NKAIN2: variants seen among roughly 807,000 people sequenced by gnomAD.
NKAIN2 encodes the protein sodium/potassium-transporting ATPase subunit beta-1-interacting protein 2.
NKAIN2 carries 14 observed loss-of-function variants against 32.6 expected under a neutral mutation model. The observed-to-expected ratio is 0.43, with a 90% CI of 0.28 to 0.67. The LOEUF is 0.67. Ranked by LOEUF, NKAIN2 falls within the 30% of genes least tolerant of loss-of-function variation. The pLI is 0.17. For synonymous variants in NKAIN2, 80 were observed against 87.2 expected, an observed-to-expected ratio of 0.92 and a Z score of 0.46; for missense variants, 198 against 258.3, an observed-to-expected ratio of 0.77 and a Z score of 1.60.
chr6:124,093,127 G>A (rs1466324898), intron 1 of NKAIN2, among the ~76,000 whole-genome samples: 2 of 151,992 alleles, frequency 1.3e-5, no homozygotes, highest in Admixed American at 1.3e-4. Context: ...TAAAACTATG[G>A]AACCCCCTCC....
intron 1 of NKAIN2, among the ~76,000 whole-genome samples, chr6:123,988,274 C>G (rs1779239208): frequency 6.6e-6 from 1 of 152,084 alleles, no homozygotes; most frequent in South Asian, 2.1e-4. Context: ...TAAATTTTCT[C>G]ATACAATTTA....
At chr6:124,268,546 T>C (rs1370390535) in intron 1 of NKAIN2, among the ~76,000 whole-genome samples, 1 of 152,120 alleles carries the variant, frequency 6.6e-6, no homozygotes, top group African/African-American at 2.4e-5. Flanking sequence ...AAAACTCTAT[T>C]ACTTACATAT....
At chr6:124,728,927 C>T (rs1436083612) in intron 4 of NKAIN2, among the ~76,000 whole-genome samples, 3 of 150,424 alleles carry the variant, frequency 2.0e-5, no homozygotes, top group Non-Finnish European at 3.0e-5. Context: ...ATACTACAAA[C>T]ACCTCTACGC....
At chr6:124,479,085 A>G (rs1777345312) in intron 3 of NKAIN2, among the ~76,000 whole-genome samples, 1 of 152,184 alleles carries the variant, frequency 6.6e-6, no homozygotes, top group Non-Finnish European at 1.5e-5. Flanking sequence ...AAAATATCTG[A>G]CCAGTACTGT....
At chr6:124,663,094 G>T (rs1422426820) in intron 4 of NKAIN2, among the ~76,000 whole-genome samples, 1 of 152,110 alleles carries the variant, frequency 6.6e-6, no homozygotes, top group African/African-American at 2.4e-5. Context: ...AGTTTGATTT[G>T]AATTGATTCA....
intron 2 of NKAIN2, among the ~76,000 whole-genome samples, chr6:124,346,559 T>A (rs9491131): frequency 0.46 from 70,289 of 151,846 alleles, 16,422 homozygotes; most frequent in South Asian, 0.54. Context: ...TAGCTCTTCT[T>A]GTTGAATTGA....
intron 5 of NKAIN2, among the ~76,000 whole-genome samples, chr6:124,797,694 T>G (rs1780063184): frequency 1.3e-5 from 2 of 152,204 alleles, no homozygotes. Flanking sequence ...GGCCTACACT[T>G]CTGTGTATTG....
chr6:124,427,093 T>G (rs1048971853), intron 3 of NKAIN2, among the ~76,000 whole-genome samples: 1 of 152,220 alleles, frequency 6.6e-6, no homozygotes, highest in Non-Finnish European at 1.5e-5. Context: ...GGAAAGCAAT[T>G]CATTTCTTTA....
chr6:124,119,847 G>T (rs1234200271), intron 1 of NKAIN2, among the ~76,000 whole-genome samples: 7 of 152,148 alleles, frequency 4.6e-5, no homozygotes, highest in African/African-American at 1.7e-4. Context: ...AGCCCAGCTT[G>T]TCCTGCTGTG....
At chr6:124,063,985 C>G (rs886442093) in intron 1 of NKAIN2, among the ~76,000 whole-genome samples, 2 of 150,656 alleles carry the variant, frequency 1.3e-5, no homozygotes, top group African/African-American at 4.9e-5. Flanking sequence ...GAGTCTCACT[C>G]TGTCGCCCAG....
intron 1 of NKAIN2, among the ~76,000 whole-genome samples, chr6:123,956,340 T>C (rs905428550): frequency 6.6e-6 from 1 of 152,124 alleles, no homozygotes; most frequent in Non-Finnish European, 1.5e-5. Context: ...AACAGAACCT[T>C]AAAAATGTAA....
At chr6:124,236,717 A>G (rs1024502818) in intron 1 of NKAIN2, among the ~76,000 whole-genome samples, 4 of 152,148 alleles carry the variant, frequency 2.6e-5, no homozygotes, top group East Asian at 3.9e-4. Context: ...GGGCAGGGCT[A>G]GTATAAAAGG....
In NKAIN2 at chr6:124,823,207, T is replaced by TTC; in HGVS notation, c.618-4_618-3dup. 6.3e-7 allele frequency: 1 copy of TTC among 1,582,118 alleles called. No individual in the cohort carries two copies. On this transcript the variant is annotated splice_polypyrimidine_tract_variant and intron_variant, in intron 6 of 6. Coordinates refer to ENST00000368417, the MANE Select transcript of NKAIN2 (RefSeq NM_001040214.3). ...TTTCCCCCTTGACTAAAAACATCTTTTCTCTCTCTCAGGTCAAAATAATAC... is the reference window on the plus strand; with the variant it reads ...TTTCCCCCTTGACTAAAAACATCTTTTCTCTCTCTCTCAGGTCAAAATAATAC...
chr6:124,772,490 G>A (rs1778802083), intron 4 of NKAIN2, among the ~76,000 whole-genome samples: 1 of 152,208 alleles, frequency 6.6e-6, no homozygotes, highest in Non-Finnish European at 1.5e-5. Flanking sequence ...ACTGAAGGGA[G>A]ATATCAGCAG....
intron 3 of NKAIN2, among the ~76,000 whole-genome samples, chr6:124,438,437 T>C (rs577596529): frequency 3.4e-4 from 52 of 152,334 alleles, no homozygotes; most frequent in African/African-American, 1.2e-3. Context: ...GTGTTTTGTT[T>C]ATTCAACCTC....
rs143635074 is a variant in NKAIN2, at chr6:124,382,879, C to T, written c.273+27532C>T. 6.8e-4 allele frequency among the ~76,000 whole-genome samples: 104 copies of T among 152,230 alleles called. No individual in the cohort carries two copies. In the East Asian group the frequency reaches 9.9e-3, roughly 14 times the overall value. On this transcript the variant is annotated intron_variant, in intron 3 of 6. Transcript: ENST00000368417. ...AGAGAAGGAGAAACAAAATTACATC[C>T]GTTACCATGGCATCATGATATCTGT...
chr6:124,139,330 C>T (rs934137267), intron 1 of NKAIN2, among the ~76,000 whole-genome samples: 28 of 150,944 alleles, frequency 1.9e-4, no homozygotes, highest in Non-Finnish European at 4.0e-4. Flanking sequence ...CCTCATGATC[C>T]ACCCGCCTCG....
intron 1 of NKAIN2, among the ~76,000 whole-genome samples, chr6:124,258,663 GA>G (rs986381912): frequency 2.0e-5 from 3 of 152,114 alleles, no homozygotes; most frequent in Admixed American, 6.5e-5. Context: ...ATAAAATAGG[GA>G]AAATAACAGT....
At chr6:124,568,822 CAAAAAAAA>C (rs3053601) in intron 3 of NKAIN2, among the ~76,000 whole-genome samples, 17 of 80,498 alleles carry the variant, frequency 2.1e-4, no homozygotes, top group African/African-American at 5.6e-4. Flanking sequence ...AGCACTGTGG[CAAAAAAAA>C]AAAAAAAAAA....
Sources: gnomAD v4.1 joint callset for allele counts (sites outside exome capture counted in the v4.1 genomes callset) on GRCh38, gnomAD v4.1.1 for gene constraint, MANE v1.5 for transcripts, NCBI Gene and HGNC (gene_info 2026-07-23, HGNC 2026-07-21) for gene names.